The following FBXL13 variants were observed in gnomAD, a reference collection of about 807,000 sequenced individuals.
FBXL13 encodes F-box and leucine-rich repeat protein 13.
In FBXL13, 67 loss-of-function variants were observed where a neutral mutation model predicts 83.6. The ratio of observed to expected loss-of-function variants is 0.80; its 90% CI spans 0.66 to 0.98. The LOEUF (loss-of-function observed/expected upper bound fraction) is 0.98, where lower values mean the gene tolerates loss of function less well. Ranked by LOEUF, FBXL13 falls within the 50% of genes least tolerant of loss-of-function variation. The probability of loss-of-function intolerance (pLI) is 0.00; values close to 1 mark genes in which losing one functional copy is unlikely to be tolerated. For synonymous variants in FBXL13, 272 were observed against 299.5 expected (o/e 0.91, Z 0.95); for missense variants, 822 against 866.5 (o/e 0.95, Z 0.64).
At chr7:103,008,893 T>C (rs769840615) in intron 6 of FBXL13, among the ~76,000 whole-genome samples, 43 of 152,220 alleles carry the variant, frequency 2.8e-4, no homozygotes, top group Admixed American at 5.2e-4. Flanking sequence ...TAAATTATAT[T>C]GTCGTTTATA....
chr7:102,905,071 A>G (rs1386359935), intron 11 of FBXL13, among the ~76,000 whole-genome samples: 1 of 151,560 alleles, frequency 6.6e-6, no homozygotes, highest in Non-Finnish European at 1.5e-5. Flanking sequence ...CCTGAGGAAA[A>G]GAATGTGTAT....
chr7:102,908,424 G>A (rs1423441763), intron 11 of FBXL13, among the ~76,000 whole-genome samples: 1 of 152,076 alleles, frequency 6.6e-6, no homozygotes, highest in Non-Finnish European at 1.5e-5. Flanking sequence ...GCCTTATTTA[G>A]TTCATTTGGT....
At chr7:102,849,346 G>A (rs909704770) in intron 17 of FBXL13, among the ~76,000 whole-genome samples, 2 of 152,160 alleles carry the variant, frequency 1.3e-5, no homozygotes, top group Non-Finnish European at 2.9e-5. Context: ...ATACATCTGA[G>A]GCTCCAGACA....
At chr7:103,009,387 T>A (rs2129486328) in intron 6 of FBXL13, among the ~76,000 whole-genome samples, 1 of 152,316 alleles carries the variant, frequency 6.6e-6, no homozygotes, top group East Asian at 1.9e-4. Context: ...GGGACCAGCC[T>A]GTCTGGGCTC....
chr7:102,909,380 G>C (rs779660294), intron 11 of FBXL13, among the ~76,000 whole-genome samples: 1 of 151,990 alleles, frequency 6.6e-6, no homozygotes, highest in Non-Finnish European at 1.5e-5. Flanking sequence ...AACCTGCCTC[G>C]GTGCTCTACC....
chr7:102,888,723 G>T (rs369131411), intron 11 of FBXL13, among the ~76,000 whole-genome samples: 3 of 152,086 alleles, frequency 2.0e-5, no homozygotes, highest in Middle Eastern at 6.8e-3. Context: ...TTTTTTGTTT[G>T]TTTTTGTTTT....
intron 6 of FBXL13, among the ~76,000 whole-genome samples, chr7:102,969,098 G>A (rs570652241): frequency 6.6e-6 from 1 of 152,282 alleles, no homozygotes; most frequent in Non-Finnish European, 1.5e-5. Context: ...GTTGTGTACA[G>A]TAATATCCTA....
At chr7:102,820,892 T>G (rs1172782901) in intron 19 of FBXL13, among the ~76,000 whole-genome samples, 1 of 152,230 alleles carries the variant, frequency 6.6e-6, no homozygotes. Context: ...TTTCAACACA[T>G]GAACTTGGGG....
chr7:102,873,969 T>A (rs1313931894), intron 16 of FBXL13, among the ~76,000 whole-genome samples: 3 of 152,230 alleles, frequency 2.0e-5, no homozygotes, highest in Non-Finnish European at 4.4e-5. Context: ...AGAATGTAAG[T>A]ACTAGGAAGA....
intron 1 of FBXL13, among the ~76,000 whole-genome samples, chr7:103,062,025 CAA>C (rs59881447): frequency 0.017 from 1,689 of 99,794 alleles, 29 homozygotes; most frequent in African/African-American, 0.061. Flanking sequence ...TCATAATTAC[CAA>C]AAAAAAAAAA....
chr7:102,906,951 GTTTT>G (rs996345122), intron 11 of FBXL13, among the ~76,000 whole-genome samples: 3 of 151,078 alleles, frequency 2.0e-5, no homozygotes, highest in South Asian at 2.1e-4. Flanking sequence ...GTTTGATTGG[GTTTT>G]TTTTGTTTGT....
chr7:103,058,474 T>C (rs1167316417), intron 1 of FBXL13, among the ~76,000 whole-genome samples: 1 of 152,236 alleles, frequency 6.6e-6, no homozygotes, highest in Non-Finnish European at 1.5e-5. Context: ...ATCTATTATC[T>C]GGAGGCCAAT....
intron 16 of FBXL13, among the ~76,000 whole-genome samples, chr7:102,875,605 G>A (rs1011901344): frequency 2.0e-5 from 3 of 152,120 alleles, no homozygotes; most frequent in African/African-American, 7.2e-5. Context: ...GCTCGTCATT[G>A]TATCAGTTAA....
At chr7:102,986,841 A>G (rs1187823384) in intron 6 of FBXL13, among the ~76,000 whole-genome samples, 1 of 152,030 alleles carries the variant, frequency 6.6e-6, no homozygotes, top group Non-Finnish European at 1.5e-5. Context: ...TCTGTTTATC[A>G]CACCATAATT....
intron 18 of FBXL13, among the ~76,000 whole-genome samples, chr7:102,828,850 C>G (rs1030640011): frequency 5.3e-5 from 8 of 152,188 alleles, no homozygotes; most frequent in Admixed American, 1.3e-4. Flanking sequence ...AGCAGCCAGG[C>G]TTTGTGACCT....
intron 10 of FBXL13, among the ~76,000 whole-genome samples, chr7:102,914,168 G>C (rs1266787992): frequency 6.6e-6 from 1 of 152,150 alleles, no homozygotes; most frequent in Non-Finnish European, 1.5e-5. Flanking sequence ...CCAACCCCTG[G>C]TTCAAGCGAT....
At chr7:102,827,091 G>A (rs1799869101) in intron 18 of FBXL13, 1 of 446,360 alleles carries the variant, frequency 2.2e-6, no homozygotes, top group Non-Finnish European at 4.6e-6. Context: ...TTTGACCAAA[G>A]GAATGGAGCA....
intron 18 of FBXL13, among the ~76,000 whole-genome samples, chr7:102,832,179 G>A (rs1165504320): frequency 6.6e-6 from 1 of 152,088 alleles, no homozygotes; most frequent in Non-Finnish European, 1.5e-5. Flanking sequence ...TTTTCATAAT[G>A]AGTACTTACT....
At chr7:102,928,274 G>T (rs1554462904) in intron 9 of FBXL13, among the ~76,000 whole-genome samples, 1 of 152,134 alleles carries the variant, frequency 6.6e-6, no homozygotes, top group Admixed American at 6.5e-5. Flanking sequence ...GTACTTAAAA[G>T]AACTCAAGAT....
Sources: gnomAD v4.1 joint callset for allele counts (sites outside exome capture counted in the v4.1 genomes callset) on GRCh38, gnomAD v4.1.1 for gene constraint, MANE v1.5 for transcripts, NCBI Gene and HGNC (gene_info 2026-07-23, HGNC 2026-07-21) for gene names.